Variants in RIMS1 observed in about 807,000 individuals in gnomAD.
RIMS1 encodes the protein regulating synaptic membrane exocytosis 1, also known as regulating synaptic membrane exocytosis protein 1.
RIMS1 carries 83 observed loss-of-function variants against 214.1 expected under a neutral mutation model. The ratio of observed to expected loss-of-function variants is 0.39; its 90% CI spans 0.32 to 0.47. The LOEUF (loss-of-function observed/expected upper bound fraction) is 0.47, where lower values mean the gene tolerates loss of function less well. Among genes scored for constraint, RIMS1 ranks in the 20% least tolerant of loss-of-function variants. The pLI, the probability that RIMS1 is intolerant of heterozygous loss-of-function variation, is 0.99. For missense variants in RIMS1, 2,050 were observed against 2,161.8 expected (o/e 0.95, Z 1.03); for synonymous variants, 793 against 786.8 (o/e 1.01, Z -0.13).
At chr6:72,107,237 T>C (rs1390679004) in intron 4 of RIMS1, among the ~76,000 whole-genome samples, 2 of 151,894 alleles carry the variant, frequency 1.3e-5, no homozygotes, top group African/African-American at 2.4e-5. Flanking sequence ...GAAGAACAAA[T>C]AAAAGAACAT....
chr6:71,904,445 T>A (rs1774667432), intron 1 of RIMS1, among the ~76,000 whole-genome samples: 2 of 152,074 alleles, frequency 1.3e-5, no homozygotes, highest in African/African-American at 2.4e-5. Context: ...GTCACTGGAT[T>A]TAGGCTGCCT....
intron 4 of RIMS1, among the ~76,000 whole-genome samples, chr6:72,129,498 C>G (rs1035040913): frequency 1.3e-5 from 2 of 151,934 alleles, no homozygotes; most frequent in Non-Finnish European, 2.9e-5. Flanking sequence ...ACAGTATTAC[C>G]CAATACATAC....
chr6:72,182,605 C>A lies in RIMS1; in HGVS notation c.1134C>A (p.His378Gln). 6.5e-7 allele frequency: 1 copy of A among 1,548,154 alleles called. No homozygotes were observed. Among genetic ancestry groups the A allele is most frequent in the Non-Finnish European group, 8.7e-7 (1 of 1,146,698 alleles). ...CTGAGGAGCAGCAGATGCGCATGCA[C>A]GCCCGGGTGTCCCGCGCCAGGCACG... ...PPPEEQQMRMHARVSRARHER... is the reference protein window; with the variant it reads ...PPPEEQQMRMQARVSRARHER... Residue 378 changes from histidine to glutamine, a missense_variant, in exon 6 of 34, where the codon CAC becomes CAA. Transcript: ENST00000521978.
At chr6:72,241,088 A>G (rs1344018591) in intron 9 of RIMS1, among the ~76,000 whole-genome samples, 1 of 152,206 alleles carries the variant, frequency 6.6e-6, no homozygotes, top group East Asian at 1.9e-4. Context: ...TTGCATATTT[A>G]CTTTTTACTC....
intron 16 of RIMS1, among the ~76,000 whole-genome samples, chr6:72,256,037 A>G (rs1044823393): frequency 1.3e-5 from 2 of 151,992 alleles, no homozygotes; most frequent in Non-Finnish European, 2.9e-5. Flanking sequence ...AAAAAAAAAA[A>G]AAAAAAAAAT....
chr6:72,050,306 C>G (rs1018096674), intron 2 of RIMS1, among the ~76,000 whole-genome samples: 10 of 152,150 alleles, frequency 6.6e-5, no homozygotes, highest in Non-Finnish European at 1.3e-4. Context: ...AAAACTGCCT[C>G]CTGAGGATTC....
intron 6 of RIMS1, among the ~76,000 whole-genome samples, chr6:72,209,942 C>CA (rs2053553123): frequency 7.5e-6 from 1 of 133,200 alleles, no homozygotes; most frequent in South Asian, 2.5e-4. Flanking sequence ...AAACATAAAA[C>CA]AAAAAACATT....
At chr6:72,187,107 T>C (rs533484932) in intron 6 of RIMS1, among the ~76,000 whole-genome samples, 1 of 150,652 alleles carries the variant, frequency 6.6e-6, no homozygotes, top group Middle Eastern at 3.4e-3. Context: ...GCCTGGGCGA[T>C]AGAGCGAGAC....
intron 2 of RIMS1, among the ~76,000 whole-genome samples, chr6:71,981,834 A>G (rs113835198): frequency 0.012 from 1,750 of 151,808 alleles, 9 homozygotes; most frequent in Non-Finnish European, 0.017. Flanking sequence ...TTGTCTCCCC[A>G]CCTGCAGTGT....
chr6:72,073,482 T>G (rs867942194), intron 2 of RIMS1, among the ~76,000 whole-genome samples: 17 of 152,320 alleles, frequency 1.1e-4, no homozygotes, highest in Middle Eastern at 6.8e-3. Flanking sequence ...TCAGTAAAGA[T>G]AAAAATACTT....
chr6:72,009,451 A>C, intron 2 of RIMS1, among the ~76,000 whole-genome samples: 1 of 152,216 alleles, frequency 6.6e-6, no homozygotes, highest in Non-Finnish European at 1.5e-5. Context: ...AAAAGCTAGC[A>C]GAAGGCAAGA....
chr6:71,939,914 A>T (rs779117753), intron 1 of RIMS1, among the ~76,000 whole-genome samples: 3 of 152,220 alleles, frequency 2.0e-5, no homozygotes. Flanking sequence ...AAATGGAGCT[A>T]CTGGGCCTGG....
intron 29 of RIMS1, among the ~76,000 whole-genome samples, chr6:72,386,838 A>G (rs1335099533): frequency 7.0e-6 from 1 of 142,676 alleles, no homozygotes; most frequent in East Asian, 2.1e-4. Flanking sequence ...GCTTCACGCC[A>G]TTCTCCTGCC....
At chr6:72,032,932 G>C (rs2152025572) in intron 2 of RIMS1, among the ~76,000 whole-genome samples, 1 of 152,240 alleles carries the variant, frequency 6.6e-6, no homozygotes, top group South Asian at 2.1e-4. Flanking sequence ...TATATAAAAA[G>C]TACCAGGGAG....
At position 72,221,291 on chromosome 6, in the gene RIMS1, AGT is replaced by A. The variant is rs71540331; in HGVS notation, c.1679-12452_1679-12451del. On this transcript the variant is annotated intron_variant, in intron 6 of 33. Coordinates refer to ENST00000521978, the MANE Select transcript of RIMS1 (RefSeq NM_014989.7). ...ATGGTAGGCCCAAAGATCTGGGGTG[AGT>A]GTGTGTGTGTGTGTGTGTGTGTGTG... Among the ~76,000 whole-genome samples, 1,076 of 138,330 alleles carry A rather than the reference AGT, an allele frequency of 7.8e-3. 10 individuals are homozygous for A. Among genetic ancestry groups the A allele is most frequent in the African/African-American group, 0.019 (733 of 38,052 alleles). The allele number at this position is 138,330 out of a possible 152,430, so 90.7% of individuals were successfully genotyped here.
In RIMS1 at chr6:72,162,569, G is replaced by T. The variant is rs1330349767; in HGVS notation, c.472-17006G>T. 3.6e-5 allele frequency among the ~76,000 whole-genome samples: 5 copies of T among 140,718 alleles called. 1 individual carries two copies. The highest frequency in any genetic ancestry group is 2.4e-4 in the South Asian group (1 of 4,248). 92.3% of individuals were successfully genotyped at this position (140,718 alleles called of 152,430 possible). On this transcript the variant is annotated intron_variant, in intron 4 of 33. Transcript: ENST00000521978. ...TTTAGTGCTTCCTTCAGGAGCTCTT[G>T]TAAGGCAGGCCTGGTGGTGACAAAA... is the stretch of plus-strand genomic sequence containing the variant.
At chr6:71,989,141 G>A (rs555000913) in intron 2 of RIMS1, among the ~76,000 whole-genome samples, 1 of 152,308 alleles carries the variant, frequency 6.6e-6, no homozygotes, top group East Asian at 1.9e-4. Flanking sequence ...CATGGGAAGG[G>A]AGAGGAGGAG....
chr6:71,932,286 A>G (rs1262980878), intron 1 of RIMS1, among the ~76,000 whole-genome samples: 1 of 152,188 alleles, frequency 6.6e-6, no homozygotes, highest in Admixed American at 6.5e-5. Context: ...ACGGAATACC[A>G]TGCAGCCATA....
At chr6:71,907,894 T>C (rs1342155445) in intron 1 of RIMS1, among the ~76,000 whole-genome samples, 1 of 152,228 alleles carries the variant, frequency 6.6e-6, no homozygotes, top group Non-Finnish European at 1.5e-5. Context: ...GAATTTTATT[T>C]ATACTTAAGC....
Sources: gnomAD v4.1 joint callset for allele counts (sites outside exome capture counted in the v4.1 genomes callset) on GRCh38, gnomAD v4.1.1 for gene constraint, MANE v1.5 for transcripts, NCBI Gene and HGNC (gene_info 2026-07-23, HGNC 2026-07-21) for gene names.